UBAC2: variants seen among roughly 807,000 people sequenced by gnomAD.
The protein encoded by UBAC2 is UBA domain containing 2.
UBAC2 carries 26 observed loss-of-function variants against 44.0 expected under a neutral mutation model. The observed-to-expected ratio is 0.59, with a 90% confidence interval of 0.43 to 0.82. The LOEUF (loss-of-function observed/expected upper bound fraction) is 0.82, where lower values mean the gene tolerates loss of function less well. UBAC2 is among the 40% of genes least tolerant of loss of function. The probability of loss-of-function intolerance (pLI) is 0.00; values close to 1 mark genes in which losing one functional copy is unlikely to be tolerated. For missense variants in UBAC2, 329 were observed against 419.4 expected (o/e 0.78, Z 1.88); for synonymous variants, 155 against 154.3 (o/e 1.00, Z -0.04).
At chr13:99,380,435 A>G (rs147673127) in intron 8 of UBAC2, among the ~76,000 whole-genome samples, 35 of 152,298 alleles carry the variant, frequency 2.3e-4, no homozygotes, top group African/African-American at 8.4e-4. Flanking sequence ...AGTGTCCACC[A>G]AAGAGCCCTA....
intron 4 of UBAC2, among the ~76,000 whole-genome samples, chr13:99,275,814 G>A (rs2043874417): frequency 6.6e-6 from 1 of 152,104 alleles, no homozygotes; most frequent in Admixed American, 6.6e-5. Flanking sequence ...GGAGTCTCGG[G>A]ATGAGGTCCT....
intron 7 of UBAC2, among the ~76,000 whole-genome samples, chr13:99,361,576 A>G (rs775189014): frequency 6.6e-6 from 1 of 152,126 alleles, no homozygotes; most frequent in Non-Finnish European, 1.5e-5. Flanking sequence ...TATCTTTACT[A>G]CATACATACT....
At chr13:99,264,224 G>A (rs1356929897) in intron 4 of UBAC2, among the ~76,000 whole-genome samples, 1 of 152,214 alleles carries the variant, frequency 6.6e-6, no homozygotes, top group Non-Finnish European at 1.5e-5. Context: ...CCAGGGAAAT[G>A]TACACTGTGA....
chr13:99,362,633 C>T (rs2045280606), intron 7 of UBAC2, among the ~76,000 whole-genome samples: 1 of 152,176 alleles, frequency 6.6e-6, no homozygotes, highest in South Asian at 2.1e-4. Context: ...TGTTTCTTGA[C>T]TTGGGATTTC....
At chr13:99,226,855 T>C (rs1201206802) in intron 1 of UBAC2, among the ~76,000 whole-genome samples, 1 of 152,216 alleles carries the variant, frequency 6.6e-6, no homozygotes, top group East Asian at 1.9e-4. Flanking sequence ...TTCAGGTCTC[T>C]GCTCAAATCC....
At chr13:99,281,760 G>C (rs1218450865) in intron 4 of UBAC2, among the ~76,000 whole-genome samples, 1 of 152,206 alleles carries the variant, frequency 6.6e-6, no homozygotes, top group African/African-American at 2.4e-5. Flanking sequence ...TTTTAGTAAT[G>C]TTTGAAGATC....
chr13:99,327,123 C>G (rs1433199506), intron 6 of UBAC2, among the ~76,000 whole-genome samples: 1 of 152,166 alleles, frequency 6.6e-6, no homozygotes, highest in Non-Finnish European at 1.5e-5. Context: ...TGGTTAAAAA[C>G]TCAGCTTAAA....
chr13:99,360,475 C>T (rs1284804579), intron 7 of UBAC2, among the ~76,000 whole-genome samples: 1 of 152,186 alleles, frequency 6.6e-6, no homozygotes, highest in African/African-American at 2.4e-5. Context: ...TAAGGTGTTA[C>T]AATAAGAGGC....
intron 4 of UBAC2, among the ~76,000 whole-genome samples, chr13:99,280,915 G>A (rs1376573811): frequency 1.3e-5 from 2 of 151,954 alleles, no homozygotes; most frequent in African/African-American, 4.8e-5. Flanking sequence ...GCTGGGCGTG[G>A]TGGCTCACGC....
intron 7 of UBAC2, among the ~76,000 whole-genome samples, chr13:99,362,250 A>G (rs2045275060): frequency 6.6e-6 from 1 of 152,172 alleles, no homozygotes; most frequent in African/African-American, 2.4e-5. Flanking sequence ...GGTCTTTTAT[A>G]TAATAGAACC....
chr13:99,331,004 T>G (rs1271275320), intron 6 of UBAC2, among the ~76,000 whole-genome samples: 1 of 152,232 alleles, frequency 6.6e-6, no homozygotes, highest in Non-Finnish European at 1.5e-5. Context: ...GATGGTTTTC[T>G]CCATGTGCTA....
chr13:99,249,525 A>G (rs2142751766), intron 4 of UBAC2, among the ~76,000 whole-genome samples: 1 of 152,316 alleles, frequency 6.6e-6, no homozygotes, highest in Admixed American at 6.5e-5. Context: ...TCTTTTTGGT[A>G]GAATGATTTA....
intron 4 of UBAC2, chr13:99,255,746 C>A (rs780105154): frequency 6.2e-7 from 1 of 1,613,888 alleles, no homozygotes; most frequent in Admixed American, 1.7e-5. Context: ...ACCCATAATG[C>A]AGTGATGTTA....
chr13:99,274,640 T>C (rs1287384360), intron 4 of UBAC2, among the ~76,000 whole-genome samples: 1 of 152,180 alleles, frequency 6.6e-6, no homozygotes, highest in Admixed American at 6.5e-5. Context: ...ATACTGTTAA[T>C]GTTAATGGAC....
chr13:99,236,732 C>T (rs1222904356), intron 1 of UBAC2, among the ~76,000 whole-genome samples: 1 of 152,114 alleles, frequency 6.6e-6, no homozygotes, highest in Non-Finnish European at 1.5e-5. Context: ...TGCCTGTAAT[C>T]CCAGGTACTT....
intron 6 of UBAC2, among the ~76,000 whole-genome samples, chr13:99,330,470 A>AAAAAAAAG (rs2044701354): frequency 1.3e-5 from 2 of 148,998 alleles, no homozygotes; most frequent in South Asian, 2.1e-4. Flanking sequence ...AAAAAAAAAA[A>AAAAAAAAG]AAAAAAGAAA....
chr13:99,333,323 A>T (rs1396531643), intron 6 of UBAC2, among the ~76,000 whole-genome samples: 1 of 152,224 alleles, frequency 6.6e-6, no homozygotes. Flanking sequence ...TTTATTTGAC[A>T]ACTTGAGGTC....
intron 4 of UBAC2, among the ~76,000 whole-genome samples, chr13:99,250,418 T>C (rs2043443359): frequency 6.6e-6 from 1 of 152,216 alleles, no homozygotes; most frequent in South Asian, 2.1e-4. Context: ...CACTGGTCTG[T>C]ATGTCTGTTT....
rs576530076 is a variant in UBAC2 at position 99,257,899 on chromosome 13, A to G, written c.389+13275A>G. The stretch of plus-strand genomic sequence containing the variant: ...ATGTGGAAAGATGATTATATAGCCT[A>G]TTTCAAGGTCTTTCACCAACATAGT... On this transcript the variant is annotated intron_variant, in intron 4 of 8. Coordinates refer to ENST00000403766, the MANE Select transcript of UBAC2 (RefSeq NM_001144072.2). Among the ~76,000 whole-genome samples the G allele has an allele frequency of 3.4e-4, 52 of 152,316 alleles. No homozygotes were observed. The South Asian group carries it at 8.5e-3, about 25-fold the overall frequency.
Sources: allele counts gnomAD v4.1 joint callset (sites outside exome capture counted in the v4.1 genomes callset), GRCh38; gene constraint gnomAD v4.1.1; transcripts MANE v1.5; gene names NCBI Gene and HGNC (gene_info 2026-07-23, HGNC 2026-07-21).